Variants in SMCO4 observed in about 807,000 individuals in gnomAD.
SMCO4 encodes the protein single-pass membrane and coiled-coil domain-containing protein 4.
Under a neutral mutation model 3.6 loss-of-function variants are expected in SMCO4, and 4 were observed. The ratio of observed to expected loss-of-function variants is 1.11; its 90% confidence interval spans 0.54 to 2.53. The LOEUF (loss-of-function observed/expected upper bound fraction) is 2.53, where lower values mean the gene tolerates loss of function less well. Ranked by LOEUF, SMCO4 falls within the 30% of genes most tolerant of loss-of-function variation. SMCO4 has a pLI of 0.02. For missense variants in SMCO4, 70 were observed against 80.8 expected (o/e 0.87, Z 0.51); for synonymous variants, 36 against 35.3 (o/e 1.02, Z -0.07).
intron 2 of SMCO4, among the ~76,000 whole-genome samples, chr11:93,493,752 T>C (rs1948745398): frequency 6.6e-6 from 1 of 152,214 alleles, no homozygotes. Context: ...TGCACGGCTG[T>C]TCTGTCTGCA....
chr11:93,498,420 A>G (rs34028949), intron 2 of SMCO4, among the ~76,000 whole-genome samples: 18,069 of 152,204 alleles, frequency 0.12, 1,331 homozygotes, highest in Non-Finnish European at 0.17. Context: ...CCTGTGCAGC[A>G]GATAGGAGGG....
Position 93,478,968 on chromosome 11 carries a change from C to T in SMCO4, c.*42G>A. Reference sequence around the variant, plus strand: ...TTTTTGTTTGCGTCCCCCTCCCGCGCCTCCTCTCCCTGCCGATGGGGTCCG... The same window carrying T: ...TTTTTGTTTGCGTCCCCCTCCCGCGTCTCCTCTCCCTGCCGATGGGGTCCG... On this transcript the variant is annotated 3_prime_UTR_variant, in exon 3 of 3. Coordinates refer to ENST00000298966, the MANE Select transcript of SMCO4 (RefSeq NM_020179.3). 1 of 1,571,844 alleles carries T rather than the reference C, an allele frequency of 6.4e-7. No homozygotes were observed. Among genetic ancestry groups the T allele is most frequent in the Non-Finnish European group, 8.6e-7 (1 of 1,158,028 alleles).
intron 1 of SMCO4, among the ~76,000 whole-genome samples, chr11:93,516,688 G>A (rs1331889956): frequency 2.0e-5 from 3 of 152,058 alleles, no homozygotes; most frequent in Non-Finnish European, 4.4e-5. Flanking sequence ...TACCCGGGAG[G>A]CTGAGGCAGG....
At chr11:93,522,180 G>A (rs553766960) in intron 1 of SMCO4, among the ~76,000 whole-genome samples, 5 of 152,132 alleles carry the variant, frequency 3.3e-5, no homozygotes, top group African/African-American at 7.2e-5. Context: ...GATTTGTATC[G>A]CTGAATATGT....
intron 1 of SMCO4, among the ~76,000 whole-genome samples, chr11:93,514,396 ATATATATATATATATATATATATAT>A (rs1948987021): frequency 2.3e-5 from 2 of 85,790 alleles, no homozygotes; most frequent in African/African-American, 5.1e-5. Flanking sequence ...ATATATATAT[ATATATATATATATATATATATATAT>A]AAAATTTGGT....
the SMCO4 span, among the ~76,000 whole-genome samples, chr11:93,552,442 G>A: frequency 2.3e-5 from 3 of 130,246 alleles, no homozygotes; most frequent in African/African-American, 8.7e-5. Context: ...GCCCAGCCAC[G>A]TTATTATTAT....
chr11:93,482,385 C>A (rs529778643), intron 2 of SMCO4, among the ~76,000 whole-genome samples: 1 of 152,164 alleles, frequency 6.6e-6, no homozygotes, highest in Non-Finnish European at 1.5e-5. Context: ...TCTTAGACAT[C>A]GTCATGGAAA....
chr11:93,483,355 G>A lies in SMCO4; in HGVS notation c.-80-4086C>T, dbSNP rs568154601. On this transcript the variant is annotated intron_variant, in intron 2 of 2. Coordinates refer to ENST00000298966, the MANE Select transcript of SMCO4 (RefSeq NM_020179.3). ...TGCACCGGGCGGCCTCCTGGGCCAGGGCTGGCTCAAGCACATCTGCTAGGA... is the reference window on the plus strand; with the variant it reads ...TGCACCGGGCGGCCTCCTGGGCCAGAGCTGGCTCAAGCACATCTGCTAGGA... Among the ~76,000 whole-genome samples the A allele has an allele frequency of 2.2e-3, 331 of 152,298 alleles. 1 individual carries two copies. The highest frequency in any genetic ancestry group is 3.5e-3 in the Non-Finnish European group (241 of 68,018).
chr11:93,522,680 C>A (rs1003661425), intron 1 of SMCO4, among the ~76,000 whole-genome samples: 1 of 152,130 alleles, frequency 6.6e-6, no homozygotes, highest in Non-Finnish European at 1.5e-5. Context: ...TGTAACTGAC[C>A]GCACCAGGTG....
At chr11:93,514,413 T>TATATATATATATATACACAC (rs781423008) in intron 1 of SMCO4, among the ~76,000 whole-genome samples, 4 of 33,962 alleles carry the variant, frequency 1.2e-4, no homozygotes, top group African/African-American at 3.7e-4. Flanking sequence ...TATATATATA[T>TATATATATATATATACACAC]ATATATATAA....
chr11:93,483,198 G>A (rs933482141), intron 2 of SMCO4, among the ~76,000 whole-genome samples: 1 of 152,184 alleles, frequency 6.6e-6, no homozygotes, highest in African/African-American at 2.4e-5. Flanking sequence ...GGGAAGTTGG[G>A]AGGCAGACTC....
chr11:93,488,862 G>C (rs889237534), intron 2 of SMCO4, among the ~76,000 whole-genome samples: 1 of 152,150 alleles, frequency 6.6e-6, no homozygotes, highest in South Asian at 2.1e-4. Context: ...AGTTGAAGAG[G>C]AAGCAGGAAA....
chr11:93,504,862 G>A (rs1948884144), intron 1 of SMCO4, among the ~76,000 whole-genome samples: 1 of 152,202 alleles, frequency 6.6e-6, no homozygotes, highest in African/African-American at 2.4e-5. Flanking sequence ...TCAGAGCAAG[G>A]GGGTGCAGGA....
At chr11:93,546,827 A>G (rs1949319199), upstream of SMCO4, among the ~76,000 whole-genome samples, 1 of 152,202 alleles carries the variant, frequency 6.6e-6, no homozygotes, top group African/African-American at 2.4e-5. Context: ...GCTTGCCCCT[A>G]CAGAGATATT....
intron 1 of SMCO4, among the ~76,000 whole-genome samples, chr11:93,503,673 G>A (rs1180788849): frequency 6.6e-6 from 1 of 152,136 alleles, no homozygotes; most frequent in African/African-American, 2.4e-5. Context: ...AACTGAGGCA[G>A]ATATACGAAT....
chr11:93,536,651 G>A (rs1022766804), intron 1 of SMCO4, among the ~76,000 whole-genome samples: 5 of 152,202 alleles, frequency 3.3e-5, no homozygotes, highest in African/African-American at 4.8e-5. Flanking sequence ...TATCTCTGAG[G>A]ACCTGGAGGA....
At chr11:93,532,459 C>T (rs1337121214) in intron 1 of SMCO4, among the ~76,000 whole-genome samples, 2 of 152,226 alleles carry the variant, frequency 1.3e-5, no homozygotes, top group African/African-American at 4.8e-5. Flanking sequence ...TTTCCTAGTT[C>T]TGAGGCTTTT....
intron 2 of SMCO4, among the ~76,000 whole-genome samples, chr11:93,493,467 A>G (rs1199577150): frequency 6.6e-6 from 1 of 151,928 alleles, no homozygotes; most frequent in Non-Finnish European, 1.5e-5. Flanking sequence ...CCCCCAAATA[A>G]AATAGAGGCT....
At chr11:93,502,982 T>C (rs1215414788) in intron 1 of SMCO4, among the ~76,000 whole-genome samples, 1 of 152,182 alleles carries the variant, frequency 6.6e-6, no homozygotes, top group Admixed American at 6.5e-5. Context: ...GTAGGTACTA[T>C]TATTCCCATT....
Sources: allele counts gnomAD v4.1 joint callset (sites outside exome capture counted in the v4.1 genomes callset), GRCh38; gene constraint gnomAD v4.1.1; transcripts MANE v1.5; gene names NCBI Gene and HGNC (gene_info 2026-07-23, HGNC 2026-07-21).